FOXO3: variants seen among roughly 807,000 people sequenced by gnomAD.
The protein encoded by FOXO3 is forkhead box O3, also known as forkhead box protein O3.
FOXO3 carries 4 observed loss-of-function variants against 41.9 expected under a neutral mutation model. The observed-to-expected ratio is 0.10, with a 90% confidence interval of 0.05 to 0.22. The LOEUF (loss-of-function observed/expected upper bound fraction) is 0.22, where lower values mean the gene tolerates loss of function less well. Among genes scored for constraint, FOXO3 ranks in the 10% least tolerant of loss-of-function variants. FOXO3 has a pLI of 1.00. For missense variants in FOXO3, 534 were observed against 906.8 expected, an observed-to-expected ratio of 0.59 and a Z score of 5.28; for synonymous variants, 318 against 389.3, an observed-to-expected ratio of 0.82 and a Z score of 2.16.
At chr6:108,619,950 C>T (rs1234172837) in intron 1 of FOXO3, among the ~76,000 whole-genome samples, 2 of 152,140 alleles carry the variant, frequency 1.3e-5, no homozygotes, top group African/African-American at 4.8e-5. Flanking sequence ...GCACCATCTT[C>T]TTGAGGTTTC....
At chr6:108,609,328 T>C (rs575014563) in intron 1 of FOXO3, among the ~76,000 whole-genome samples, 2 of 152,152 alleles carry the variant, frequency 1.3e-5, no homozygotes, top group Non-Finnish European at 2.9e-5. Flanking sequence ...GGAGAAGTCA[T>C]GGTTGTGGTG....
intron 1 of FOXO3, among the ~76,000 whole-genome samples, chr6:108,638,878 A>G (rs1486321305): frequency 2.0e-5 from 3 of 152,184 alleles, no homozygotes; most frequent in Non-Finnish European, 2.9e-5. Context: ...CTCATCCTCA[A>G]GTTATTCCTG....
chr6:108,659,686 T>G (rs575323175), intron 1 of FOXO3, among the ~76,000 whole-genome samples: 2 of 152,176 alleles, frequency 1.3e-5, no homozygotes, highest in Non-Finnish European at 2.9e-5. Flanking sequence ...CAGTCTCCAT[T>G]GTCCTTTCCC....
intron 1 of FOXO3, among the ~76,000 whole-genome samples, chr6:108,642,742 G>T (rs1778294280): frequency 6.6e-6 from 1 of 152,158 alleles, no homozygotes; most frequent in Non-Finnish European, 1.5e-5. Context: ...TGTGTGTATG[G>T]CAGTAGGTGC....
intron 1 of FOXO3, among the ~76,000 whole-genome samples, chr6:108,603,170 A>G (rs1019594214): frequency 2.6e-5 from 4 of 152,026 alleles, no homozygotes; most frequent in African/African-American, 9.7e-5. Context: ...TTTCAGCAAA[A>G]AATGGTTGTA....
At position 108,664,820 on chromosome 6, in the gene FOXO3, A is replaced by G; in HGVS notation, c.1987A>G (p.Lys663Glu). 1 of 1,525,940 alleles carries G rather than the reference A, an allele frequency of 6.6e-7. No individual in the cohort carries two copies. The highest frequency in any genetic ancestry group is 8.8e-7 in the Non-Finnish European group (1 of 1,140,932). 94.5% of individuals were successfully genotyped at this position (1,525,940 alleles called of 1,614,324 possible). ...GAACGTGGGGAACTTCACTGGTGCT[A>G]AGCAGGCCTCATCTCAGAGCTGGGT... ...GLNVGNFTGA[K>E]QASSQSWVPG The change falls in exon 2 of 3, where the codon AAG (lysine) becomes GAG (glutamate). Residue 663 changes from lysine to glutamate, a missense_variant. Physicochemically the swap from Lys to Glu is moderately conservative, Grantham distance 56. Around this residue, in one of 8 missense-constraint regions of FOXO3, gnomAD observed 94 missense variants for 214.4 expected, o/e 0.44. Coordinates refer to ENST00000406360, the MANE Select transcript of FOXO3 (RefSeq NM_001455.4).
At chr6:108,565,820 C>G (rs80329059) in intron 1 of FOXO3, among the ~76,000 whole-genome samples, 3,445 of 152,290 alleles carry the variant, frequency 0.023, 126 homozygotes, top group African/African-American at 0.079. Context: ...TCCTTTTCAA[C>G]ACACTGTATT....
chr6:108,611,106 A>C (rs1346760554), intron 1 of FOXO3, among the ~76,000 whole-genome samples: 1 of 151,994 alleles, frequency 6.6e-6, no homozygotes, highest in Admixed American at 6.5e-5. Flanking sequence ...TCATTACTGT[A>C]TGTAGCCCTT....
At chr6:108,615,309 A>G (rs1354932284) in intron 1 of FOXO3, among the ~76,000 whole-genome samples, 1 of 151,888 alleles carries the variant, frequency 6.6e-6, no homozygotes, top group Non-Finnish European at 1.5e-5. Flanking sequence ...ATTGATTCTC[A>G]TTTTTGTTTG....
At chr6:108,650,935 A>G (rs780102951) in intron 1 of FOXO3, among the ~76,000 whole-genome samples, 1 of 152,132 alleles carries the variant, frequency 6.6e-6, no homozygotes, top group Non-Finnish European at 1.5e-5. Flanking sequence ...TCATAATACC[A>G]TTATATTGGT....
At chr6:108,665,786 G>A (rs918054794) in intron 2 of FOXO3, among the ~76,000 whole-genome samples, 11 of 145,930 alleles carry the variant, frequency 7.5e-5, no homozygotes, top group African/African-American at 2.7e-4. Context: ...TCCATCCTGG[G>A]TGGTAAAGCA....
chr6:108,570,026 A>C, intron 1 of FOXO3, among the ~76,000 whole-genome samples: 1 of 100,862 alleles, frequency 9.9e-6, no homozygotes, highest in Non-Finnish European at 1.9e-5. Context: ...TTGAGACAGA[A>C]TCTCGCTCTG....
At chr6:108,606,840 T>C (rs1318746263) in intron 1 of FOXO3, among the ~76,000 whole-genome samples, 1 of 152,194 alleles carries the variant, frequency 6.6e-6, no homozygotes, top group African/African-American at 2.4e-5. Context: ...ATTTTCATTT[T>C]TGATGCCTGA....
intron 1 of FOXO3, among the ~76,000 whole-genome samples, chr6:108,599,721 A>T (rs192828492): frequency 2.2e-4 from 33 of 152,204 alleles, no homozygotes; most frequent in African/African-American, 7.7e-4. Context: ...GCTTCAGAGT[A>T]AGTATCTGAG....
rs145736430 is a variant in FOXO3, at chr6:108,668,460, T to C, written c.*34+3571T>C. On this transcript the variant is annotated intron_variant, in intron 2 of 2. Coordinates refer to ENST00000406360, the MANE Select transcript of FOXO3 (RefSeq NM_001455.4). ...ATGTGCTTACAGTTGGTGGCAGAGA[T>C]GGTCATGAGCTGGTGTGGTGCTGCA... Among the ~76,000 whole-genome samples, 695 of 152,294 alleles carry C rather than the reference T, an allele frequency of 4.6e-3. 5 individuals carry two copies. The highest frequency in any genetic ancestry group is 0.016 in the African/African-American group (648 of 41,574).
intron 1 of FOXO3, among the ~76,000 whole-genome samples, chr6:108,613,081 A>G (rs545115546): frequency 6.6e-6 from 1 of 152,372 alleles, no homozygotes; most frequent in African/African-American, 2.4e-5. Context: ...TGCAATGTTA[A>G]ACCAACCTTA....
chr6:108,678,869 C>CTTTTTTTTTTTTT (rs1156923290), intron 2 of FOXO3, among the ~76,000 whole-genome samples: 14 of 55,016 alleles, frequency 2.5e-4, no homozygotes, highest in African/African-American at 3.2e-4. Context: ...TTCTTAAATT[C>CTTTTTTTTTTTTT]TTTTTTTTTT....
intron 1 of FOXO3, among the ~76,000 whole-genome samples, chr6:108,639,241 C>G (rs1041336459): frequency 3.3e-5 from 5 of 152,170 alleles, no homozygotes; most frequent in African/African-American, 1.2e-4. Flanking sequence ...GAGGCTAAAT[C>G]CTGCTTCCTT....
At chr6:108,668,664 C>T (rs1007972498) in intron 2 of FOXO3, among the ~76,000 whole-genome samples, 1 of 152,130 alleles carries the variant, frequency 6.6e-6, no homozygotes, top group African/African-American at 2.4e-5. Context: ...GTTTAAAGTA[C>T]TTTACATAAA....
Sources: allele counts gnomAD v4.1 joint callset (sites outside exome capture counted in the v4.1 genomes callset), GRCh38; gene constraint gnomAD v4.1.1; regional missense constraint gnomAD v4.1.1; transcripts MANE v1.5; gene names NCBI Gene and HGNC (gene_info 2026-07-23, HGNC 2026-07-21).